Variants in DCC observed in about 807,000 individuals in gnomAD.
DCC encodes the protein netrin receptor DCC.
In DCC, 58 loss-of-function variants were observed where a neutral mutation model predicts 172.5. The observed-to-expected ratio is 0.34, with a 90% CI of 0.27 to 0.42. The LOEUF (loss-of-function observed/expected upper bound fraction) is 0.42. DCC is among the 10% of genes least tolerant of loss of function. DCC has a pLI of 1.00. For missense variants in DCC, 1,740 were observed against 1,791.0 expected (o/e 0.97, Z 0.51); for synonymous variants, 709 against 644.5 (o/e 1.10, Z -1.52).
chr18:52,368,335 GTTGTT>G (rs931815115), intron 1 of DCC, among the ~76,000 whole-genome samples: 1 of 152,136 alleles, frequency 6.6e-6, no homozygotes, highest in Admixed American at 6.5e-5. Flanking sequence ...TTGGTAAGTA[GTTGTT>G]TTGGGGGCTG....
At chr18:52,732,575 G>A (rs373546563) in intron 1 of DCC, among the ~76,000 whole-genome samples, 77 of 152,248 alleles carry the variant, frequency 5.1e-4, no homozygotes, top group African/African-American at 1.6e-3. Context: ...CTGCAATAAC[G>A]AAGTGGAGTA....
intron 1 of DCC, among the ~76,000 whole-genome samples, chr18:52,655,256 T>A (rs1006387915): frequency 6.6e-6 from 1 of 152,140 alleles, no homozygotes; most frequent in Admixed American, 6.6e-5. Flanking sequence ...AGGGGCTTGT[T>A]AAGCCTACTA....
At chr18:53,094,279 G>T (rs2043053161) in intron 7 of DCC, among the ~76,000 whole-genome samples, 1 of 152,146 alleles carries the variant, frequency 6.6e-6, no homozygotes, top group South Asian at 2.1e-4. Context: ...TACAGACAGT[G>T]TCCCAACTGG....
intron 2 of DCC, among the ~76,000 whole-genome samples, chr18:52,887,689 A>G (rs1389418910): frequency 6.6e-6 from 1 of 152,210 alleles, no homozygotes; most frequent in Non-Finnish European, 1.5e-5. Flanking sequence ...GCAATTGTTT[A>G]TCTCAACTTC....
intron 7 of DCC, among the ~76,000 whole-genome samples, chr18:53,140,520 A>C (rs2043814613): frequency 6.6e-6 from 1 of 152,128 alleles, no homozygotes. Flanking sequence ...TACATGCTGG[A>C]GTTAGTAGAA....
At chr18:53,010,315 T>C (rs1424448731) in intron 5 of DCC, among the ~76,000 whole-genome samples, 3 of 151,910 alleles carry the variant, frequency 2.0e-5, no homozygotes, top group Non-Finnish European at 4.4e-5. Context: ...CTATTAGATA[T>C]CCTAATAGAA....
rs555812225 is a variant in DCC at position 52,800,784 on chromosome 18, C to T, written c.412+48410C>T. On this transcript the variant is annotated intron_variant, in intron 2 of 28. Coordinates refer to ENST00000442544, the MANE Select transcript of DCC (RefSeq NM_005215.4). The stretch of plus-strand genomic sequence containing the variant: ...AAGCAAGAGAAGTTTTCTTTTTTCT[C>T]CCTGATGTATCAGTTATTGTTGCAC... Among the ~76,000 whole-genome samples the T allele has an allele frequency of 2.0e-5, 3 of 152,098 alleles. No individual in the cohort carries two copies. The South Asian group carries it at 6.2e-4, about 31-fold the overall frequency.
chr18:52,472,502 A>G (rs1222905195), intron 1 of DCC, among the ~76,000 whole-genome samples: 1 of 152,062 alleles, frequency 6.6e-6, no homozygotes, highest in Non-Finnish European at 1.5e-5. Flanking sequence ...ACTCTGTGCT[A>G]TTTTCAACGG....
At chr18:52,462,576 G>A (rs1481256092) in intron 1 of DCC, among the ~76,000 whole-genome samples, 3 of 151,974 alleles carry the variant, frequency 2.0e-5, no homozygotes, top group African/African-American at 4.8e-5. Context: ...TTCTTTGTGA[G>A]GCCGTCCCTG....
At chr18:52,672,709 G>A (rs999015103) in intron 1 of DCC, among the ~76,000 whole-genome samples, 27 of 141,630 alleles carry the variant, frequency 1.9e-4, no homozygotes, top group African/African-American at 6.1e-4. Context: ...AAAGAAAGGA[G>A]CTTCCTTCTT....
intron 5 of DCC, among the ~76,000 whole-genome samples, chr18:53,015,525 G>C (rs555545769): frequency 1.1e-3 from 174 of 152,230 alleles, no homozygotes; most frequent in African/African-American, 3.8e-3. Flanking sequence ...GTAATATTTA[G>C]AGGGTACATG....
At position 53,127,365 on chromosome 18, in the gene DCC, T is replaced by A. The variant is rs192328846; in HGVS notation, c.1262-29991T>A. Among the ~76,000 whole-genome samples, 30 of 152,164 alleles carry A rather than the reference T, an allele frequency of 2.0e-4. No homozygotes were observed. In the East Asian group the frequency reaches 5.2e-3, roughly 27 times the overall value. ...TCGGATAGAGCTTCCGATTCCCTCA[T>A]ACTTTCCTATAAATCAACAAGGCAG... On this transcript the variant is annotated intron_variant, in intron 7 of 28. Transcript: ENST00000442544.
intron 5 of DCC, among the ~76,000 whole-genome samples, chr18:53,030,853 C>T (rs2042016841): frequency 6.6e-6 from 1 of 152,152 alleles, no homozygotes; most frequent in Non-Finnish European, 1.5e-5. Flanking sequence ...CATATACCTG[C>T]ACACTAGGAG....
intron 19 of DCC, among the ~76,000 whole-genome samples, chr18:53,405,014 G>A (rs1361136931): frequency 6.6e-6 from 1 of 151,944 alleles, no homozygotes; most frequent in African/African-American, 2.4e-5. Context: ...TTAACAGGGA[G>A]CAAACAATAA....
chr18:53,128,395 T>G (rs1361907644), intron 7 of DCC, among the ~76,000 whole-genome samples: 2 of 152,104 alleles, frequency 1.3e-5, no homozygotes, highest in African/African-American at 2.4e-5. Context: ...GTATTTTTCC[T>G]TCTAATATTT....
intron 5 of DCC, among the ~76,000 whole-genome samples, chr18:52,991,174 T>A (rs1047103740): frequency 6.6e-6 from 1 of 152,220 alleles, no homozygotes; most frequent in Non-Finnish European, 1.5e-5. Flanking sequence ...GTTGTTTCTG[T>A]TGCAATTGTA....
intron 5 of DCC, among the ~76,000 whole-genome samples, chr18:52,972,911 A>G (rs1310107688): frequency 6.6e-6 from 1 of 152,194 alleles, no homozygotes. Flanking sequence ...CATGATTTTT[A>G]TGGGGGTGCA....
intron 7 of DCC, among the ~76,000 whole-genome samples, chr18:53,096,098 A>G (rs904878517): frequency 1.3e-5 from 2 of 152,088 alleles, no homozygotes; most frequent in African/African-American, 4.8e-5. Flanking sequence ...TGGCACATGT[A>G]TACATATGTA....
chr18:53,442,837 A>G (rs1198982316), intron 22 of DCC, among the ~76,000 whole-genome samples: 1 of 152,222 alleles, frequency 6.6e-6, no homozygotes, highest in East Asian at 1.9e-4. Context: ...TGTGGTCTGG[A>G]TAAAAGATAA....
Sources: gnomAD v4.1 joint callset for allele counts (sites outside exome capture counted in the v4.1 genomes callset) on GRCh38, gnomAD v4.1.1 for gene constraint, MANE v1.5 for transcripts, NCBI Gene and HGNC (gene_info 2026-07-23, HGNC 2026-07-21) for gene names.